Variants in SKAP1 observed in about 807,000 individuals in gnomAD.
The protein encoded by SKAP1 is src kinase associated phosphoprotein 1.
A neutral mutation model predicts 58.5 loss-of-function variants in SKAP1; 44 were observed. The observed-to-expected ratio is 0.75, with a 90% CI of 0.59 to 0.97. The LOEUF is 0.97. Among genes scored for constraint, SKAP1 ranks in the 50% least tolerant of loss-of-function variants. The pLI, the probability that SKAP1 is intolerant of heterozygous loss-of-function variation, is 0.00. For missense variants in SKAP1, 390 were observed against 435.2 expected, an observed-to-expected ratio of 0.90 and a Z score of 0.92; for synonymous variants, 127 against 149.7, an observed-to-expected ratio of 0.85 and a Z score of 1.11.
intron 2 of SKAP1, among the ~76,000 whole-genome samples, chr17:48,382,069 A>C (rs1170969224): frequency 1.3e-5 from 2 of 152,104 alleles, no homozygotes; most frequent in Non-Finnish European, 2.9e-5. Flanking sequence ...CTCATCTGCT[A>C]TATAGGGATT....
At chr17:48,202,376 G>C (rs1598423402) in intron 4 of SKAP1, among the ~76,000 whole-genome samples, 1 of 152,112 alleles carries the variant, frequency 6.6e-6, no homozygotes, top group Admixed American at 6.5e-5. Context: ...GCTTTGACCT[G>C]GTATGTATTA....
intron 4 of SKAP1, among the ~76,000 whole-genome samples, chr17:48,209,954 G>A (rs2064851532): frequency 1.3e-5 from 2 of 152,186 alleles, no homozygotes; most frequent in Non-Finnish European, 2.9e-5. Flanking sequence ...TTAGATTAAA[G>A]CATTATTCCC....
At chr17:48,287,419 T>C (rs1225913122) in intron 4 of SKAP1, among the ~76,000 whole-genome samples, 1 of 151,930 alleles carries the variant, frequency 6.6e-6, no homozygotes, top group Non-Finnish European at 1.5e-5. Flanking sequence ...AGATTCTAAC[T>C]AAAAGAGTGT....
rs142000641 is a variant in SKAP1 at position 48,265,469 on chromosome 17, C to T, written c.281-75969G>A. 8.0e-5 allele frequency among the ~76,000 whole-genome samples: 12 copies of T among 150,904 alleles called. No individual in the cohort carries two copies. In the East Asian group the frequency reaches 2.4e-3, roughly 30 times the overall value. On this transcript the variant is annotated intron_variant, in intron 4 of 12. Transcript: ENST00000336915. ...GCAGTGAGCTGAGACCGCACCACTG[C>T]ACTCCAGCCTGGGCCTGTCTCAAAA...
chr17:48,413,918 T>A (rs2067700026), intron 1 of SKAP1, among the ~76,000 whole-genome samples: 1 of 152,276 alleles, frequency 6.6e-6, no homozygotes, highest in African/African-American at 2.4e-5. Flanking sequence ...TTCCCACAGT[T>A]ACCTTTAACT....
intron 4 of SKAP1, among the ~76,000 whole-genome samples, chr17:48,274,136 C>T (rs1353659496): frequency 6.6e-6 from 1 of 152,172 alleles, no homozygotes; most frequent in Non-Finnish European, 1.5e-5. Context: ...TGCTTGTAAT[C>T]CCAGCACTTC....
chr17:48,416,001 G>A (rs1314046066), intron 1 of SKAP1, among the ~76,000 whole-genome samples: 2 of 152,142 alleles, frequency 1.3e-5, no homozygotes, highest in Non-Finnish European at 2.9e-5. Flanking sequence ...CTCTTCTCTA[G>A]GTATAATACT....
intron 3 of SKAP1, among the ~76,000 whole-genome samples, chr17:48,356,809 C>T (rs1012468681): frequency 2.0e-5 from 3 of 152,110 alleles, no homozygotes; most frequent in Non-Finnish European, 4.4e-5. Flanking sequence ...GTATCCCCCT[C>T]AACAGTGATT....
chr17:48,413,128 G>A (rs978099231), intron 1 of SKAP1, among the ~76,000 whole-genome samples: 2 of 151,720 alleles, frequency 1.3e-5, no homozygotes, highest in Non-Finnish European at 2.9e-5. Context: ...TATTATATGT[G>A]CTTTCCAATT....
chr17:48,385,022 A>G (rs2067258848), intron 2 of SKAP1, among the ~76,000 whole-genome samples: 1 of 152,224 alleles, frequency 6.6e-6, no homozygotes, highest in Non-Finnish European at 1.5e-5. Flanking sequence ...AAAAGAGCAT[A>G]AACACAAGGA....
intron 4 of SKAP1, among the ~76,000 whole-genome samples, chr17:48,306,421 T>C (rs547893678): frequency 1.3e-5 from 2 of 152,322 alleles, no homozygotes; most frequent in South Asian, 4.1e-4. Flanking sequence ...CTTACTTCAT[T>C]AAATCCACTC....
Position 48,180,250 on chromosome 17 carries a change from T to C in SKAP1, c.632-2A>G. 1 of 1,558,130 alleles carries C rather than the reference T, an allele frequency of 6.4e-7. No homozygotes were observed. The highest frequency in any genetic ancestry group is 8.7e-7 in the Non-Finnish European group (1 of 1,151,778). On this transcript the variant is annotated splice_acceptor_variant, in intron 8 of 12. Coordinates refer to ENST00000336915, the MANE Select transcript of SKAP1 (RefSeq NM_003726.4). LOFTEE classifies it high-confidence loss of function. ...ATGGAATGGTTAAGGAGCTCAGATC[T>C]AACAAGGCAAAGATGAGAATGAATC...
Position 48,196,428 on chromosome 17 carries a change from C to T in SKAP1, c.281-6928G>A, listed in dbSNP as rs560830065. 4.2e-4 allele frequency among the ~76,000 whole-genome samples: 64 copies of T among 152,200 alleles called. 1 individual carries two copies. In the Middle Eastern group the frequency reaches 0.01, roughly 24 times the overall value. On this transcript the variant is annotated intron_variant, in intron 4 of 12. Transcript: ENST00000336915. Reference sequence around the variant, plus strand: ...TGTTTTTCAGCTTTTATTTTAGAATCGGGGTACATGTGTAGGTTTGTTACA... The same window carrying T: ...TGTTTTTCAGCTTTTATTTTAGAATTGGGGTACATGTGTAGGTTTGTTACA...
At chr17:48,167,612 C>T (rs1043846027) in intron 10 of SKAP1, among the ~76,000 whole-genome samples, 1 of 152,072 alleles carries the variant, frequency 6.6e-6, no homozygotes, top group Non-Finnish European at 1.5e-5. Context: ...TATAAGACCA[C>T]AATAGTGTGG....
intron 4 of SKAP1, among the ~76,000 whole-genome samples, chr17:48,235,611 T>TA (rs2065171762): frequency 6.6e-6 from 1 of 152,162 alleles, no homozygotes; most frequent in African/African-American, 2.4e-5. Flanking sequence ...GAAATTGTGT[T>TA]AAAGTAGGAC....
chr17:48,321,955 C>T (rs1228762481), intron 4 of SKAP1, among the ~76,000 whole-genome samples: 1 of 152,226 alleles, frequency 6.6e-6, no homozygotes, highest in East Asian at 1.9e-4. Flanking sequence ...TTATCTTCTC[C>T]TGTTCCTACC....
intron 11 of SKAP1, among the ~76,000 whole-genome samples, chr17:48,145,394 A>G (rs2063818121): frequency 6.9e-6 from 1 of 144,482 alleles, no homozygotes; most frequent in African/African-American, 2.6e-5. Flanking sequence ...CCATAAAAGG[A>G]TTTATGCTAA....
chr17:48,366,375 A>G (rs1303667498), intron 2 of SKAP1, among the ~76,000 whole-genome samples: 2 of 152,060 alleles, frequency 1.3e-5, no homozygotes, highest in Admixed American at 1.3e-4. Context: ...AGGTGAAGAG[A>G]AATGTAAGAT....
chr17:48,210,646 A>G (rs964530698), intron 4 of SKAP1, among the ~76,000 whole-genome samples: 3 of 152,238 alleles, frequency 2.0e-5, no homozygotes, highest in African/African-American at 7.2e-5. Flanking sequence ...CAAACTACCC[A>G]GGATCATTAT....
Sources: gnomAD v4.1 joint callset for allele counts (sites outside exome capture counted in the v4.1 genomes callset) on GRCh38, gnomAD v4.1.1 for gene constraint, MANE v1.5 for transcripts, NCBI Gene and HGNC (gene_info 2026-07-23, HGNC 2026-07-21) for gene names.